The following CNBP variants were observed in gnomAD, a reference collection of about 807,000 sequenced individuals.
The protein encoded by CNBP is cellular nucleic acid-binding protein.
CNBP carries 6 observed loss-of-function variants against 21.2 expected under a neutral mutation model. The ratio of observed to expected loss-of-function variants is 0.28; its 90% CI spans 0.16 to 0.56. The LOEUF is 0.56. CNBP is among the 20% of genes least tolerant of loss of function. The pLI is 0.93. For missense variants in CNBP, 112 were observed against 233.1 expected (o/e 0.48, Z 3.38); for synonymous variants, 61 against 74.9 (o/e 0.81, Z 0.96).
intron 1 of CNBP, among the ~76,000 whole-genome samples, chr3:129,183,526 G>C (rs1045829868): frequency 7.2e-5 from 11 of 152,330 alleles, no homozygotes; most frequent in Admixed American, 2.0e-4. Context: ...CCGTGGCGCC[G>C]AAAGACCCGC....
At chr3:129,182,575 G>C (rs986772534) in intron 1 of CNBP, among the ~76,000 whole-genome samples, 1 of 152,166 alleles carries the variant, frequency 6.6e-6, no homozygotes, top group Non-Finnish European at 1.5e-5. Context: ...GAAAAATCTA[G>C]ATGGAGGGGA....
chr3:129,178,874 C>G (rs986501763), intron 1 of CNBP, among the ~76,000 whole-genome samples: 1 of 152,042 alleles, frequency 6.6e-6, no homozygotes, highest in Non-Finnish European at 1.5e-5. Context: ...TCTCGAGTAG[C>G]TGGGACTACA....
intron 1 of CNBP, among the ~76,000 whole-genome samples, chr3:129,174,290 T>C (rs886799354): frequency 7.0e-6 from 1 of 143,716 alleles, no homozygotes; most frequent in Non-Finnish European, 1.5e-5. Flanking sequence ...ACTGTACTAG[T>C]ATTAGCATCC....
At chr3:129,170,686 A>G in intron 4 of CNBP, 116 bp from the exon 5 acceptor site, 2 of 781,414 alleles carry the variant, frequency 2.6e-6, no homozygotes, top group Non-Finnish European at 4.5e-6. Flanking sequence ...ATTAACCCCT[A>G]AGGTTTCACA....
intron 1 of CNBP, among the ~76,000 whole-genome samples, chr3:129,172,691 GACAGACACACACACACACACACACAC>G (rs1342927093): frequency 3.3e-4 from 25 of 74,658 alleles, no homozygotes; most frequent in African/African-American, 1.0e-3. Flanking sequence ...CAGACAGACA[GACAGACACACACACACACACACACAC>G]ACACACACAC....
Position 129,168,969 on chromosome 3 carries a change from G to GC in CNBP, c.*1483dup, listed in dbSNP as rs1237736665. 6.6e-6 allele frequency among the ~76,000 whole-genome samples: 1 copy of GC among 151,974 alleles called. No individual in the cohort carries two copies. ...AAAAAAAAATTAGCTGGGCGCGGTG[G>GC]CGGGTACCTGTAGCCCCAGCTACTC... is the stretch of plus-strand genomic sequence containing the variant. On this transcript the variant is annotated 3_prime_UTR_variant, in exon 5 of 5. Transcript: ENST00000422453.
rs56752888 is a variant in CNBP at position 129,174,349 on chromosome 3, T to TAAAAAAAAA, written c.-14-2587_-14-2579dup. The stretch of plus-strand genomic sequence containing the variant: ...GTTTCCACCACAGAAGAGTCAGAAT[T>TAAAAAAAAA]AAAAAAAAAAAAAAAAAAAAAAAAA... On this transcript the variant is annotated intron_variant, in intron 1 of 4. Coordinates refer to ENST00000422453, the MANE Select transcript of CNBP (RefSeq NM_003418.5). 2.5e-4 allele frequency among the ~76,000 whole-genome samples: 16 copies of TAAAAAAAAA among 63,142 alleles called. 1 individual carries two copies. The highest frequency in any genetic ancestry group is 9.3e-4 in the African/African-American group (13 of 14,020). The allele number at this position is 63,142 out of a possible 152,430, so 41.4% of individuals were successfully genotyped here.
At chr3:129,178,721 G>C (rs1242515649) in intron 1 of CNBP, among the ~76,000 whole-genome samples, 1 of 151,868 alleles carries the variant, frequency 6.6e-6, no homozygotes, top group Non-Finnish European at 1.5e-5. Flanking sequence ...TCAGTTTACT[G>C]TCCCAACATG....
At chr3:129,173,879 C>G (rs1036846309) in intron 1 of CNBP, among the ~76,000 whole-genome samples, 3 of 152,148 alleles carry the variant, frequency 2.0e-5, no homozygotes, top group Non-Finnish European at 4.4e-5. Flanking sequence ...GCTAACCTAA[C>G]CACAGTGCCA....
At position 129,171,685 on chromosome 3, in the gene CNBP, G is replaced by A. The variant is rs1199828416; in HGVS notation, c.73C>T (p.Arg25Cys). ...CCACGGCTTCTCATTCCACGACCAC[G>A]GCCTCCACCAGTAGGACATTCCCGG... The part of the protein sequence containing the change: ...WARECPTGGG[R>C]GRGMRSRGRG... Residue 25 changes from arginine (R) to cysteine (C), a missense_variant, in exon 2 of 5, where the codon CGT becomes TGT. By Grantham distance (180) the Arg-to-Cys change is radical. Transcript: ENST00000422453. The A allele has an allele frequency of 6.2e-7, 1 of 1,614,130 alleles. No individual in the cohort carries two copies. Among genetic ancestry groups the A allele is most frequent in the Non-Finnish European group, 8.5e-7 (1 of 1,180,034 alleles).
At chr3:129,176,618 A>G (rs559208734) in intron 1 of CNBP, among the ~76,000 whole-genome samples, 3 of 152,336 alleles carry the variant, frequency 2.0e-5, no homozygotes, top group South Asian at 2.1e-4. Context: ...GCTATCAGTC[A>G]CAAGAGTTAC....
chr3:129,183,377 C>T (rs1328954433), intron 1 of CNBP, among the ~76,000 whole-genome samples: 3 of 152,228 alleles, frequency 2.0e-5, no homozygotes, highest in Non-Finnish European at 2.9e-5. Context: ...CCTTTCCCCA[C>T]CACACGGACT....
At chr3:129,181,978 G>A (rs1938331602) in intron 1 of CNBP, among the ~76,000 whole-genome samples, 1 of 151,892 alleles carries the variant, frequency 6.6e-6, no homozygotes, top group Non-Finnish European at 1.5e-5. Flanking sequence ...GTTTACAGGT[G>A]TTTGATTATC....
At position 129,171,362 on chromosome 3, in the gene CNBP, A is replaced by T; in HGVS notation, c.217+84T>A. The T allele has an allele frequency of 3.8e-6, 6 of 1,598,328 alleles. No homozygotes were observed. In the South Asian group the frequency reaches 5.5e-5, roughly 15 times the overall value. On this transcript the variant is annotated intron_variant, in intron 3 of 4. Coordinates refer to ENST00000422453, the MANE Select transcript of CNBP (RefSeq NM_003418.5). ...TTTAAATTATACAATACAAAACCTC[A>T]AAGGTGGAAATGCTATACACAGTTG...
chr3:129,183,108 G>A (rs1473154596), intron 1 of CNBP, among the ~76,000 whole-genome samples: 1 of 152,160 alleles, frequency 6.6e-6, no homozygotes, highest in East Asian at 1.9e-4. Flanking sequence ...CCGCCACCAT[G>A]CCCGGCTAAT....
chr3:129,172,506 C>T (rs188805585), intron 1 of CNBP, among the ~76,000 whole-genome samples: 52 of 152,212 alleles, frequency 3.4e-4, no homozygotes, highest in African/African-American at 1.0e-3. Context: ...CGCTTGAACC[C>T]GGGGGGTGGA....
chr3:129,169,151 G>T lies in CNBP; in HGVS notation c.*1302C>A, dbSNP rs1937524831. ...AAAATAAAAATACAAAAAATTAGCG[G>T]GGGGTGGTGGCGGGTGCCTGTAATC... On this transcript the variant is annotated 3_prime_UTR_variant, in exon 5 of 5. Coordinates refer to ENST00000422453, the MANE Select transcript of CNBP (RefSeq NM_003418.5). 6.6e-6 allele frequency among the ~76,000 whole-genome samples: 1 copy of T among 151,724 alleles called. No individual in the cohort carries two copies. The highest frequency in any genetic ancestry group is 1.5e-5 in the Non-Finnish European group (1 of 67,894).
intron 1 of CNBP, among the ~76,000 whole-genome samples, chr3:129,178,169 A>C (rs1938048993): frequency 6.6e-6 from 1 of 151,390 alleles, no homozygotes. Flanking sequence ...AAAAAAAAAA[A>C]AAAAAAAAAA....
At chr3:129,178,430 A>T (rs181487610) in intron 1 of CNBP, among the ~76,000 whole-genome samples, 36 of 152,330 alleles carry the variant, frequency 2.4e-4, no homozygotes, top group African/African-American at 8.7e-4. Context: ...TAGAATGTTC[A>T]TAACTCTGTC....
Sources: gnomAD v4.1 joint callset for allele counts (sites outside exome capture counted in the v4.1 genomes callset) on GRCh38, gnomAD v4.1.1 for gene constraint, MANE v1.5 for transcripts, NCBI Gene and HGNC (gene_info 2026-07-23, HGNC 2026-07-21) for gene names.